The following LUC7L variants were observed in gnomAD, a reference collection of about 807,000 sequenced individuals.
The protein encoded by LUC7L is LUC7 like.
In LUC7L, 29 loss-of-function variants were observed where a neutral mutation model predicts 51.1. The ratio of observed to expected loss-of-function variants is 0.57; its 90% CI spans 0.42 to 0.77. The LOEUF (loss-of-function observed/expected upper bound fraction) is 0.77. Ranked by LOEUF, LUC7L falls within the 30% of genes least tolerant of loss-of-function variation. The pLI is 0.00. For synonymous variants in LUC7L, 181 were observed against 180.7 expected (o/e 1.00, Z -0.01); for missense variants, 403 against 511.9 (o/e 0.79, Z 2.05).
intron 3 of LUC7L, among the ~76,000 whole-genome samples, chr16:211,937 G>C (rs2049652926): frequency 6.6e-6 from 1 of 152,214 alleles, no homozygotes; most frequent in South Asian, 2.1e-4. Context: ...ATGTCAGTCA[G>C]AACTGTCACA....
intron 3 of LUC7L, among the ~76,000 whole-genome samples, chr16:216,159 G>A (rs1177037493): frequency 2.0e-5 from 3 of 151,748 alleles, no homozygotes; most frequent in Admixed American, 6.6e-5. Context: ...CCAGCACCAC[G>A]CCCGGCTAAT....
In LUC7L at chr16:199,139, G is replaced by A. The variant is rs535493277; in HGVS notation, c.610C>T (p.Arg204Cys). ...CCACCGAAGTGGTCTGCCAGGCGAC[G>A]GTCATTGTCATGGAGACCAAGGTAG... is the stretch of plus-strand genomic sequence containing the variant. ...SAYLGLHDND[R>C]RLADHFGGKL... The change falls in exon 6 of 10, where the codon CGT becomes TGT. Residue 204 changes from arginine (R) to cysteine (C), a missense_variant. By Grantham distance (180) the Arg-to-Cys change is radical. Transcript: ENST00000293872. 5.0e-6 allele frequency: 8 copies of A among 1,613,772 alleles called. No homozygotes were observed. The highest frequency in any genetic ancestry group is 5.9e-6 in the Non-Finnish European group (7 of 1,179,730).
At chr16:207,819 C>G (rs2049525898) in intron 4 of LUC7L, among the ~76,000 whole-genome samples, 1 of 152,158 alleles carries the variant, frequency 6.6e-6, no homozygotes, top group Admixed American at 6.5e-5. Flanking sequence ...ACCATACCGG[C>G]TAACACGGTG....
intron 2 of LUC7L, among the ~76,000 whole-genome samples, chr16:222,429 G>C (rs2049998961): frequency 6.6e-6 from 1 of 151,722 alleles, no homozygotes; most frequent in Admixed American, 6.6e-5. Context: ...CTTGAGCCCA[G>C]GAGTTTGAGA....
Position 189,010 on chromosome 16 carries a change from T to G in LUC7L, c.*188A>C. 1.7e-6 allele frequency: 1 copy of G among 598,666 alleles called. No homozygotes were observed. Among genetic ancestry groups the G allele is most frequent in the Non-Finnish European group, 2.8e-6 (1 of 352,274 alleles). The allele number at this position is 598,666 out of a possible 1,614,324, so 37.1% of individuals were successfully genotyped here. ...CAGCCTCAGGAGGCAGCATCAGATT[T>G]ATTTATTCCTACTCAACATGACCCG... is the stretch of plus-strand genomic sequence containing the variant. On this transcript the variant is annotated 3_prime_UTR_variant, in exon 10 of 10. Transcript: ENST00000293872.
intron 6 of LUC7L, among the ~76,000 whole-genome samples, chr16:197,152 C>T (rs1457954013): frequency 6.7e-6 from 1 of 149,176 alleles, no homozygotes; most frequent in Non-Finnish European, 1.5e-5. Context: ...GTGATCTGCC[C>T]GCCTCGGCCT....
At chr16:192,448 G>T (rs1177222872) in intron 7 of LUC7L, among the ~76,000 whole-genome samples, 1 of 151,362 alleles carries the variant, frequency 6.6e-6, no homozygotes, top group African/African-American at 2.4e-5. Flanking sequence ...TGCACACACA[G>T]TCCTGCGCTG....
At chr16:224,448 G>A (rs1033710984) in intron 2 of LUC7L, among the ~76,000 whole-genome samples, 2 of 151,566 alleles carry the variant, frequency 1.3e-5, no homozygotes, top group African/African-American at 4.9e-5. Context: ...GAGCCCGGGA[G>A]GCGGAGCTTG....
In LUC7L at chr16:189,686, A is replaced by G. The variant is rs928626133; in HGVS notation, c.974+282T>C. 5 of 1,343,974 alleles carry G rather than the reference A, an allele frequency of 3.7e-6. No individual in the cohort carries two copies. The African/African-American group carries it at 5.8e-5, about 16-fold the overall frequency. 83.3% of individuals were successfully genotyped at this position (1,343,974 alleles called of 1,614,324 possible). ...AAACAGAGGTAAGCAGGGCCTGGTC[A>G]GGACACAAGTCTCAGCCACTCTGAG... On this transcript the variant is annotated intron_variant, in intron 9 of 9. Transcript: ENST00000293872.
rs766366226 is a variant in LUC7L at position 190,165 on chromosome 16, A to C, written c.807-30T>G. On this transcript the variant is annotated intron_variant, in intron 8 of 9. Coordinates refer to ENST00000293872, the MANE Select transcript of LUC7L (RefSeq NM_201412.3). ...ACAATCAGAAGGCTCCAAGGCTGAG[A>C]CTCTATAGGTGCCAACACTATGAGG... The C allele has an allele frequency of 2.5e-5, 40 of 1,586,930 alleles. No homozygotes were observed. The Admixed American group carries it at 6.8e-4, about 27-fold the overall frequency.
chr16:190,267 T>A, intron 8 of LUC7L, 132 bp from the exon 9 acceptor site: 1 of 870,040 alleles, frequency 1.1e-6, no homozygotes, highest in Non-Finnish European at 1.8e-6. Flanking sequence ...AGGTTTAAAA[T>A]ATTTCCATCA....
chr16:197,293 T>C (rs1398092436), intron 6 of LUC7L, among the ~76,000 whole-genome samples: 1 of 144,348 alleles, frequency 6.9e-6, no homozygotes, highest in African/African-American at 2.6e-5. Flanking sequence ...AGCTCACTGC[T>C]ACCTCTGCCT....
chr16:190,418 G>A, intron 8 of LUC7L, 123 bp downstream of exon 8: 1 of 1,062,240 alleles, frequency 9.4e-7, no homozygotes, highest in Non-Finnish European at 1.4e-6. Context: ...CTCTTGCCCT[G>A]TGCCCTTCAC....
intron 5 of LUC7L, among the ~76,000 whole-genome samples, chr16:203,722 T>C (rs1180999909): frequency 4.4e-4 from 6 of 13,574 alleles, no homozygotes; most frequent in African/African-American, 1.8e-3. Context: ...GGGGGCGGGG[T>C]GGAGGTGGGG....
intron 3 of LUC7L, among the ~76,000 whole-genome samples, chr16:219,379 C>A (rs1445763685): frequency 2.0e-5 from 3 of 151,944 alleles, no homozygotes; most frequent in Admixed American, 1.3e-4. Context: ...CAGAGCAAGA[C>A]TCTGTCTCAA....
Position 220,697 on chromosome 16 carries a change from T to G in LUC7L, c.207A>C (p.Ala69=), listed in dbSNP as rs2142109312. 6.2e-7 allele frequency: 1 copy of G among 1,614,108 alleles called. No individual in the cohort carries two copies. The highest frequency in any genetic ancestry group is 1.1e-5 in the South Asian group (1 of 91,038). Residue 69 remains alanine, a synonymous_variant, in exon 3 of 10, where the codon GCA becomes GCC. Coordinates refer to ENST00000293872, the MANE Select transcript of LUC7L (RefSeq NM_201412.3). The part of the protein sequence containing the change: ...CTKIHDLALR[A]DYEIASKERD... ...TTTCTTTACTTGCAATCTCATAATC[T>G]GCTCGGAGGGCCAAGTCGTGGATTT... is the stretch of plus-strand genomic sequence containing the variant.
At chr16:216,382 T>TTG (rs1251538397) in intron 3 of LUC7L, among the ~76,000 whole-genome samples, 363 of 48,836 alleles carry the variant, frequency 7.4e-3, no homozygotes, top group African/African-American at 0.019. Flanking sequence ...AAATAGTTGT[T>TTG]TTTTTTTTTT....
rs979946549 is a variant in LUC7L at position 228,708 on chromosome 16, C to G, written c.61+571G>C. ...CTACACAGTACAACCTACCTAACGA[C>G]TGTCAAGCGCTGGCTACACAGAGGC... On this transcript the variant is annotated intron_variant, in intron 1 of 9. Transcript: ENST00000293872. The G allele has an allele frequency of 3.3e-6, 4 of 1,209,414 alleles. No individual in the cohort carries two copies. The African/African-American group carries it at 4.7e-5, about 14-fold the overall frequency. The allele number at this position is 1,209,414 out of a possible 1,614,324, so 74.9% of individuals were successfully genotyped here.
chr16:221,390 T>A (rs1377406315), intron 2 of LUC7L, among the ~76,000 whole-genome samples: 1 of 151,836 alleles, frequency 6.6e-6, no homozygotes, highest in Non-Finnish European at 1.5e-5. Context: ...AATGGCAGCA[T>A]GTGGGGTGGC....
Sources: allele counts gnomAD v4.1 joint callset (sites outside exome capture counted in the v4.1 genomes callset), GRCh38; gene constraint gnomAD v4.1.1; transcripts MANE v1.5; gene names NCBI Gene and HGNC (gene_info 2026-07-23, HGNC 2026-07-21).